Variants in C19orf67 observed in about 807,000 individuals in gnomAD.
C19orf67 encodes chromosome 19 open reading frame 67, also known as UPF0575 protein C19orf67.
A neutral mutation model predicts 41.4 loss-of-function variants in C19orf67; 28 were observed. The observed-to-expected ratio is 0.68, with a 90% confidence interval of 0.50 to 0.93. The LOEUF (loss-of-function observed/expected upper bound fraction) is 0.93, where lower values mean the gene tolerates loss of function less well. Ranked by LOEUF, C19orf67 falls within the 40% of genes least tolerant of loss-of-function variation. C19orf67 has a pLI of 0.00. For missense variants in C19orf67, 421 were observed against 467.0 expected (o/e 0.90, Z 0.91); for synonymous variants, 242 against 203.4 (o/e 1.19, Z -1.62).
chr19:14,085,131 C>T (rs535761238), intron 1 of C19orf67, among the ~76,000 whole-genome samples, 162 bp downstream of exon 1: 37 of 152,322 alleles, frequency 2.4e-4, no homozygotes, highest in South Asian at 2.1e-3. Context: ...CTACAGTCTT[C>T]CTCATTCTCT....
chr19:14,083,634 T>A lies in C19orf67; in HGVS notation c.481-29A>T, dbSNP rs1188990769. On this transcript the variant is annotated intron_variant, in intron 2 of 5. Transcript: ENST00000548523. ...CATACAAGAGGGGGGTACAGTGAGATCAGCTGGCCTGCGAGGAGTGGGCCT... is the reference window on the plus strand; with the variant it reads ...CATACAAGAGGGGGGTACAGTGAGAACAGCTGGCCTGCGAGGAGTGGGCCT... The A allele has an allele frequency of 7.2e-6, 11 of 1,533,302 alleles. No homozygotes were observed. The East Asian group carries it at 2.7e-4, about 38-fold the overall frequency. 95.0% of individuals were successfully genotyped at this position (1,533,302 alleles called of 1,614,324 possible).
intron 5 of C19orf67, among the ~76,000 whole-genome samples, 158 bp downstream of exon 5, chr19:14,082,311 G>A (rs759235594): frequency 6.6e-6 from 1 of 152,154 alleles, no homozygotes; most frequent in Non-Finnish European, 1.5e-5. Context: ...GATCTCCATG[G>A]GTTGTTACTG....
chr19:14,082,137 C>CG, intron 5 of C19orf67, 129 bp from the exon 6 acceptor site: 3 of 815,368 alleles, frequency 3.7e-6, no homozygotes, highest in Middle Eastern at 3.7e-4. Flanking sequence ...GAAAAACCCC[C>CG]GGGGGAAACT....
At position 14,083,493 on chromosome 19, in the gene C19orf67, C is replaced by T. The variant is rs1317095781; in HGVS notation, c.581+12G>A. On this transcript the variant is annotated intron_variant, in intron 3 of 5. Coordinates refer to ENST00000548523, the MANE Select transcript of C19orf67 (RefSeq NM_001277378.2). ...TCCTTCATCCCCCCATCTGAGTCTCCTACCATTTTACCTAAGGGGGTTCAT... is the reference window on the plus strand; with the variant it reads ...TCCTTCATCCCCCCATCTGAGTCTCTTACCATTTTACCTAAGGGGGTTCAT... 3 of 1,535,146 alleles carry T rather than the reference C, an allele frequency of 2.0e-6. No homozygotes were observed. Among genetic ancestry groups the T allele is most frequent in the African/African-American group, 1.4e-5 (1 of 72,948 alleles).
chr19:14,083,279 G>A lies in C19orf67; in HGVS notation c.725C>T (p.Thr242Ile). Reference sequence around the variant, plus strand: ...TTGTCCCCGACCAGGGGCCTCTGGGGTGGCTTCCAGGTGCCAGCGCATCTT... The same window carrying A: ...TTGTCCCCGACCAGGGGCCTCTGGGATGGCTTCCAGGTGCCAGCGCATCTT... ...YKKMRWHLEA[T>I]PEAPGRGQDS... The change falls in exon 4 of 6, where the codon ACC becomes ATC. Residue 242 changes from threonine (T) to isoleucine (I), a missense_variant. Around this residue, in one of 3 missense-constraint regions of C19orf67, gnomAD observed 253 missense variants for 307.0 expected, o/e 0.82. Coordinates refer to ENST00000548523, the MANE Select transcript of C19orf67 (RefSeq NM_001277378.2). 6.5e-7 allele frequency: 1 copy of A among 1,536,080 alleles called. No homozygotes were observed. Among genetic ancestry groups the A allele is most frequent in the East Asian group, 2.4e-5 (1 of 40,914 alleles).
rs894480814 is a variant in C19orf67 at position 14,083,242 on chromosome 19, C to T, written c.762G>A (p.Val254=). ...ATTTGGGTAAGAGGACTTACTAATCCACAAGGGAATCTTGTCCCCGACCAG... is the reference window on the plus strand; with the variant it reads ...ATTTGGGTAAGAGGACTTACTAATCTACAAGGGAATCTTGTCCCCGACCAG... The part of the protein sequence containing the change: ...EAPGRGQDSL[V]DYYFLCYRDT... Residue 254 remains valine (V), a synonymous_variant, in exon 4 of 6, where the codon GTG becomes GTA. Transcript: ENST00000548523. 11 of 1,535,758 alleles carry T rather than the reference C, an allele frequency of 7.2e-6. 1 individual carries two copies. The highest frequency in any genetic ancestry group is 4.1e-5 in the African/African-American group (3 of 72,968).
chr19:14,085,452 G>GC lies in C19orf67; in HGVS notation c.175dup (p.Ala59GlyfsTer2). The stretch of plus-strand genomic sequence containing the variant: ...GGAAGACGTGGAGGCCCGGGCCTCA[G>GC]CCAGCCGCCCCTCGGCATCTTCAGG... On this transcript the variant is annotated frameshift_variant, in exon 1 of 6. Transcript: ENST00000548523. LOFTEE classifies it high-confidence loss of function. 6.5e-7 allele frequency: 1 copy of GC among 1,535,606 alleles called. No individual in the cohort carries two copies. The highest frequency in any genetic ancestry group is 8.7e-7 in the Non-Finnish European group (1 of 1,146,760).
rs1395293309 is a variant in C19orf67, at chr19:14,085,630, T to G, written c.-3A>C. The stretch of plus-strand genomic sequence containing the variant: ...TCGAACCACTGCTCTGTAGCCATGG[T>G]AGGGCCGGGGGGCGGGAACCTGAGC... On this transcript the variant is annotated 5_prime_UTR_variant, in exon 1 of 6. Coordinates refer to ENST00000548523, the MANE Select transcript of C19orf67 (RefSeq NM_001277378.2). 2 of 1,525,122 alleles carry G rather than the reference T, an allele frequency of 1.3e-6. No homozygotes were observed. Among genetic ancestry groups the G allele is most frequent in the Admixed American group, 3.9e-5 (2 of 50,736 alleles). 94.5% of individuals were successfully genotyped at this position (1,525,122 alleles called of 1,614,324 possible). A position where few individuals can be genotyped will look rare whatever the true frequency, so the allele number is the denominator to read the frequency against.
rs1180821469 is a variant in C19orf67, at chr19:14,083,324, A to G, written c.680T>C (p.Phe227Ser). The change falls in exon 4 of 6, where the codon TTC becomes TCC. Residue 227 changes from phenylalanine to serine, a missense_variant. Physicochemically the swap from Phe to Ser is radical, Grantham distance 155. Around this residue, in one of 3 missense-constraint regions of C19orf67, gnomAD observed 253 missense variants for 307.0 expected, o/e 0.82. Coordinates refer to ENST00000548523, the MANE Select transcript of C19orf67 (RefSeq NM_001277378.2). The stretch of plus-strand genomic sequence containing the variant: ...CATCTTCTTATAGAGGTAGCGGGGG[A>G]AGCGGCTGGCAGTGTAGGCGGTTGG... ...CAPTAYTASR[F>S]PRYLYKKMRW... is the part of the protein sequence containing the mutation. 1.3e-6 allele frequency: 2 copies of G among 1,535,880 alleles called. No homozygotes were observed. Among genetic ancestry groups the G allele is most frequent in the South Asian group, 2.4e-5 (2 of 84,044 alleles).
At position 14,083,759 on chromosome 19, in the gene C19orf67, G is replaced by A. The variant is rs1976809142; in HGVS notation, c.454C>T (p.Pro152Ser). 1 of 1,437,332 alleles carries A rather than the reference G, an allele frequency of 7.0e-7. No individual in the cohort carries two copies. The highest frequency in any genetic ancestry group is 9.1e-7 in the Non-Finnish European group (1 of 1,097,214). 89.0% of individuals were successfully genotyped at this position (1,437,332 alleles called of 1,614,324 possible). A position where few individuals can be genotyped will look rare whatever the true frequency, so the allele number is the denominator to read the frequency against. The stretch of plus-strand genomic sequence containing the variant: ...CCCTTTCGGACCAGCTCCTGCAGGG[G>A]TCCATAGATGGGGGGTATGCTTCTC... ...AARSIPPIYG[P>S]LQELVRKGLL... is the part of the protein sequence containing the mutation. Residue 152 changes from proline (P) to serine (S), a missense_variant, in exon 2 of 6, where the codon CCC (proline) becomes TCC (serine). By Grantham distance (74) the Pro-to-Ser change is moderately conservative (BLOSUM62 -1). Coordinates refer to ENST00000548523, the MANE Select transcript of C19orf67 (RefSeq NM_001277378.2).
At position 14,081,948 on chromosome 19, in the gene C19orf67, C is replaced by A; in HGVS notation, c.963G>T (p.Glu321Asp). Residue 321 changes from glutamate to aspartate, a missense_variant, in exon 6 of 6, where the codon GAG becomes GAT. Physicochemically the swap from Glu to Asp is conservative, Grantham distance 45 (BLOSUM62 2). This residue lies in a region of C19orf67 where 253 missense variants were observed against 307.0 expected (regional missense o/e 0.82). Transcript: ENST00000548523. ...GGTCGGTGGCCAGCGTGGGCGTGGG[C>A]TCCTCGAAGCCGATGGTCAGCAGCT... The part of the protein sequence containing the change: ...YQQLLTIGFE[E>D]PTPTLATDLL... 6.5e-7 allele frequency: 1 copy of A among 1,532,528 alleles called. No individual in the cohort carries two copies. The highest frequency in any genetic ancestry group is 8.7e-7 in the Non-Finnish European group (1 of 1,144,612). 94.9% of individuals were successfully genotyped at this position (1,532,528 alleles called of 1,614,324 possible). A position where few individuals can be genotyped will look rare whatever the true frequency, so the allele number is the denominator to read the frequency against.
chr19:14,082,497 C>T lies in C19orf67; in HGVS notation c.874G>A (p.Gly292Arg), dbSNP rs1976783415. Residue 292 changes from glycine to arginine, a missense_variant, in exon 5 of 6, where the codon GGA (glycine) becomes AGA (arginine). Around this residue, in one of 3 missense-constraint regions of C19orf67, gnomAD observed 253 missense variants for 307.0 expected, o/e 0.82. Transcript: ENST00000548523. ...LWSIGRWVPL[G>R]PAEDDLYSWI... Reference sequence around the variant, plus strand: ...GAATAAAGGTCATCCTCGGCTGGTCCTAGGGGCACCCATCGGCCGATGGAC... The same window carrying T: ...GAATAAAGGTCATCCTCGGCTGGTCTTAGGGGCACCCATCGGCCGATGGAC... 1 of 1,535,970 alleles carries T rather than the reference C, an allele frequency of 6.5e-7. No homozygotes were observed. The highest frequency in any genetic ancestry group is 1.2e-5 in the South Asian group (1 of 84,058).
intron 1 of C19orf67, among the ~76,000 whole-genome samples, chr19:14,084,983 A>T (rs1976830397): frequency 6.6e-6 from 1 of 152,194 alleles, no homozygotes; most frequent in Admixed American, 6.5e-5. Context: ...AGTTTGGCTC[A>T]GGTGGGTCTT....
In C19orf67 at chr19:14,085,684, G is replaced by T; in HGVS notation, c.-57C>A. ...TTAAGCTTCCGCTGCTGCTCAGGTTGGCCGCGGGTTCGACCCCGCCCCGGG... is the reference window on the plus strand; with the variant it reads ...TTAAGCTTCCGCTGCTGCTCAGGTTTGCCGCGGGTTCGACCCCGCCCCGGG... On this transcript the variant is annotated 5_prime_UTR_variant, in exon 1 of 6. Transcript: ENST00000548523. The T allele has an allele frequency of 7.3e-7, 1 of 1,360,658 alleles. No individual in the cohort carries two copies. The highest frequency in any genetic ancestry group is 1.0e-6 in the Non-Finnish European group (1 of 993,604). 84.3% of individuals were successfully genotyped at this position (1,360,658 alleles called of 1,614,324 possible). A position where few individuals can be genotyped will look rare whatever the true frequency, so the allele number is the denominator to read the frequency against.
In C19orf67 at chr19:14,084,957, G is replaced by A. The variant is rs137869715; in HGVS notation, c.335+336C>T. Among the ~76,000 whole-genome samples the A allele has an allele frequency of 3.3e-5, 5 of 152,332 alleles. No homozygotes were observed. In the East Asian group the frequency reaches 9.6e-4, roughly 29 times the overall value. The stretch of plus-strand genomic sequence containing the variant: ...ACATTATCCTTTGGAGTCTCAAACT[G>A]ATGTCCTGCAGGCCAAGTTTGGCTC... On this transcript the variant is annotated intron_variant, in intron 1 of 5. Coordinates refer to ENST00000548523, the MANE Select transcript of C19orf67 (RefSeq NM_001277378.2).
At chr19:14,085,167 T>G (rs1302867894) in intron 1 of C19orf67, 126 bp downstream of exon 1, 1 of 699,058 alleles carries the variant, frequency 1.4e-6, no homozygotes, top group African/African-American at 1.8e-5. Flanking sequence ...TATGCTAGCT[T>G]CTTCCACTGT....
At position 14,081,667 on chromosome 19, in the gene C19orf67, A is replaced by G. The variant is rs1976768884; in HGVS notation, c.*167T>C. Reference sequence around the variant, plus strand: ...TTTAACACAAAACTGACGTGTCCGCATTCAGGGCCCCACGGCCAAGCCGGA... The same window carrying G: ...TTTAACACAAAACTGACGTGTCCGCGTTCAGGGCCCCACGGCCAAGCCGGA... On this transcript the variant is annotated 3_prime_UTR_variant, in exon 6 of 6. Transcript: ENST00000548523. 2.0e-6 allele frequency: 1 copy of G among 503,434 alleles called. No homozygotes were observed. The allele number at this position is 503,434 out of a possible 1,614,324, so 31.2% of individuals were successfully genotyped here. A position where few individuals can be genotyped will look rare whatever the true frequency, so the allele number is the denominator to read the frequency against.
At position 14,085,518 on chromosome 19, in the gene C19orf67, G is replaced by A. The variant is rs1273234146; in HGVS notation, c.110C>T (p.Ser37Leu). ...GTPPCGDPSR[S>L]TPPGRPGNPS... The stretch of plus-strand genomic sequence containing the variant: ...GTTCCCAGGCCTGCCAGGGGGCGTC[G>A]ACCTGGAGGGGTCTCCGCAGGGCGG... Residue 37 changes from serine to leucine, a missense_variant, in exon 1 of 6, where the codon TCG becomes TTG. Physicochemically the swap from Ser to Leu is moderately radical, Grantham distance 145. Transcript: ENST00000548523. 17 of 1,535,282 alleles carry A rather than the reference G, an allele frequency of 1.1e-5. No individual in the cohort carries two copies. The highest frequency in any genetic ancestry group is 1.4e-5 in the Non-Finnish European group (16 of 1,146,700).
chr19:14,081,636 CTTT>C lies in C19orf67; in HGVS notation c.*195_*197del, dbSNP rs906322892. On this transcript the variant is annotated 3_prime_UTR_variant, in exon 6 of 6. Transcript: ENST00000548523. ...CGCTGAGCCTGTGACCTCTTTCTTT[CTTT>C]TATTTAACACAAAACTGACGTGTCC... 3 of 431,310 alleles carry C rather than the reference CTTT, an allele frequency of 7.0e-6. No homozygotes were observed. The highest frequency in any genetic ancestry group is 4.1e-5 in the African/African-American group (2 of 48,714). The allele number at this position is 431,310 out of a possible 1,614,324, so 26.7% of individuals were successfully genotyped here. A position where few individuals can be genotyped will look rare whatever the true frequency, so the allele number is the denominator to read the frequency against.
Sources: gnomAD v4.1 joint callset for allele counts (sites outside exome capture counted in the v4.1 genomes callset) on GRCh38, gnomAD v4.1.1 for gene constraint, gnomAD v4.1.1 regional missense constraint, MANE v1.5 for transcripts, NCBI Gene and HGNC (gene_info 2026-07-23, HGNC 2026-07-21) for gene names.